Variants in TMEM117 observed in about 807,000 individuals in gnomAD.
TMEM117 encodes the protein transmembrane protein 117.
A neutral mutation model predicts 52.4 loss-of-function variants in TMEM117; 27 were observed. That is an observed-to-expected ratio of 0.51 (90% confidence interval 0.38 to 0.71). The LOEUF (loss-of-function observed/expected upper bound fraction) is 0.71. TMEM117 is among the 30% of genes least tolerant of loss of function. The pLI is 0.00. For synonymous variants in TMEM117, 215 were observed against 206.3 expected (o/e 1.04, Z -0.36); for missense variants, 556 against 630.5 (o/e 0.88, Z 1.26).
At chr12:43,928,177 G>A (rs1374984235) in intron 2 of TMEM117, among the ~76,000 whole-genome samples, 1 of 151,982 alleles carries the variant, frequency 6.6e-6, no homozygotes, top group Non-Finnish European at 1.5e-5. Context: ...AATAATAAAA[G>A]TTCTCTAGAA....
chr12:44,315,834 T>G (rs1331091202), intron 6 of TMEM117, among the ~76,000 whole-genome samples: 3 of 152,202 alleles, frequency 2.0e-5, no homozygotes. Flanking sequence ...ATTTTATTAT[T>G]GCTGGCTTAA....
At chr12:44,343,872 G>T (rs1951449250) in intron 6 of TMEM117, among the ~76,000 whole-genome samples, 1 of 152,136 alleles carries the variant, frequency 6.6e-6, no homozygotes. Context: ...TGGGGAGCTT[G>T]GTAATGAGCT....
rs563734381 is a variant in TMEM117 at position 44,008,163 on chromosome 12, C to T, written c.410+63821C>T. On this transcript the variant is annotated intron_variant, in intron 3 of 7. Transcript: ENST00000266534. ...CCTGGATGAGGACCAAGACTGCCTC[C>T]CAGATTGAATGATAGCTGTTAATAC... is the stretch of plus-strand genomic sequence containing the variant. Among the ~76,000 whole-genome samples the T allele has an allele frequency of 2.0e-5, 3 of 152,264 alleles. No individual in the cohort carries two copies. The South Asian group carries it at 6.2e-4, about 32-fold the overall frequency.
At chr12:44,106,983 AT>A (rs1355391896) in intron 3 of TMEM117, among the ~76,000 whole-genome samples, 1 of 152,068 alleles carries the variant, frequency 6.6e-6, no homozygotes, top group Non-Finnish European at 1.5e-5. Flanking sequence ...ATAAGAGGTC[AT>A]CCTTCAGATA....
At chr12:44,304,673 C>T (rs1361655754) in intron 6 of TMEM117, among the ~76,000 whole-genome samples, 7 of 152,158 alleles carry the variant, frequency 4.6e-5, no homozygotes, top group Non-Finnish European at 1.0e-4. Flanking sequence ...TCCTGAGGCC[C>T]CTATTTCAGG....
chr12:44,000,882 T>C (rs1307298394), intron 3 of TMEM117, among the ~76,000 whole-genome samples: 1 of 152,064 alleles, frequency 6.6e-6, no homozygotes, highest in African/African-American at 2.4e-5. Context: ...AAAACCAGTT[T>C]GCAGAGATGA....
intron 3 of TMEM117, among the ~76,000 whole-genome samples, chr12:44,117,275 G>A (rs1948160561): frequency 6.6e-6 from 1 of 151,938 alleles, no homozygotes; most frequent in Admixed American, 6.6e-5. Context: ...TAGCTATACT[G>A]ACTCATCTTT....
intron 3 of TMEM117, among the ~76,000 whole-genome samples, chr12:44,108,111 G>C (rs1301750544): frequency 6.6e-6 from 1 of 152,020 alleles, no homozygotes; most frequent in Non-Finnish European, 1.5e-5. Context: ...CATTTGATGA[G>C]CACATCTGCT....
chr12:43,842,977 C>T (rs1443728744), intron 1 of TMEM117, among the ~76,000 whole-genome samples: 1 of 152,130 alleles, frequency 6.6e-6, no homozygotes, highest in African/African-American at 2.4e-5. Context: ...TCAGAGCTCT[C>T]CTGCTAGGTG....
At chr12:44,092,215 G>C (rs1045815449) in intron 3 of TMEM117, among the ~76,000 whole-genome samples, 3 of 152,194 alleles carry the variant, frequency 2.0e-5, no homozygotes, top group Admixed American at 6.5e-5. Context: ...TCTTGCCACT[G>C]TGTGGGATTA....
chr12:43,804,202 T>C, the TMEM117 span: 1 of 462,580 alleles, frequency 2.2e-6, no homozygotes, highest in South Asian at 1.6e-5. Flanking sequence ...ATTCCAGAGA[T>C]GGAAGCACTG....
At chr12:44,183,513 T>C (rs1230139812) in intron 4 of TMEM117, among the ~76,000 whole-genome samples, 4 of 152,244 alleles carry the variant, frequency 2.6e-5, no homozygotes, top group Admixed American at 6.5e-5. Context: ...TATTGTTTGA[T>C]GTAAACATTA....
the TMEM117 span, among the ~76,000 whole-genome samples, chr12:43,813,234 T>C: frequency 1.1e-5 from 1 of 92,234 alleles, no homozygotes; most frequent in African/African-American, 5.3e-5. Flanking sequence ...TTCTCTTGTT[T>C]TTTTTTTTTT....
At chr12:44,152,077 T>C (rs1304735847) in intron 4 of TMEM117, among the ~76,000 whole-genome samples, 4 of 115,492 alleles carry the variant, frequency 3.5e-5, no homozygotes, top group East Asian at 4.9e-4. Flanking sequence ...ATATAATATA[T>C]ATTTATATTA....
At chr12:44,347,889 GC>G (rs1267096382) in intron 6 of TMEM117, among the ~76,000 whole-genome samples, 1 of 151,950 alleles carries the variant, frequency 6.6e-6, no homozygotes, top group Non-Finnish European at 1.5e-5. Flanking sequence ...CTACATCCTG[GC>G]CTTGCTGTCG....
intron 3 of TMEM117, among the ~76,000 whole-genome samples, chr12:44,067,587 T>C (rs1009849551): frequency 6.6e-6 from 1 of 152,144 alleles, no homozygotes; most frequent in Non-Finnish European, 1.5e-5. Context: ...GGCGGTAATA[T>C]TTTGAAAGGA....
At position 44,378,273 on chromosome 12, in the gene TMEM117, G is replaced by GA. The variant is rs962330369; in HGVS notation, c.898+1557dup. ...AAAAAAATGGAGAGCCCATTGGTAA[G>GA]AAAAAAAATGAGCTGCTAAAAATAT... is the stretch of plus-strand genomic sequence containing the variant. On this transcript the variant is annotated intron_variant, in intron 7 of 7. Transcript: ENST00000266534. Among the ~76,000 whole-genome samples the GA allele has an allele frequency of 6.9e-4, 105 of 151,896 alleles. 2 individuals carry two copies. The highest frequency in any genetic ancestry group is 2.4e-4 in the Non-Finnish European group (16 of 67,938).
At chr12:44,006,751 T>C (rs1946203767) in intron 3 of TMEM117, among the ~76,000 whole-genome samples, 1 of 152,170 alleles carries the variant, frequency 6.6e-6, no homozygotes, top group Non-Finnish European at 1.5e-5. Flanking sequence ...TCATTTTTTT[T>C]TGTTTATAAA....
At chr12:44,210,227 A>T (rs1447577365) in intron 4 of TMEM117, among the ~76,000 whole-genome samples, 4 of 152,104 alleles carry the variant, frequency 2.6e-5, no homozygotes, top group Non-Finnish European at 5.9e-5. Context: ...TCTTGAAGGG[A>T]AGGCAGATTT....
Sources: allele counts gnomAD v4.1 joint callset (sites outside exome capture counted in the v4.1 genomes callset), GRCh38; gene constraint gnomAD v4.1.1; transcripts MANE v1.5; gene names NCBI Gene and HGNC (gene_info 2026-07-23, HGNC 2026-07-21).